Variants in PRKN observed in about 807,000 individuals in gnomAD.
PRKN encodes parkin RBR E3 ubiquitin protein ligase.
In PRKN, 56 loss-of-function variants were observed where a neutral mutation model predicts 59.5. That is an observed-to-expected ratio of 0.94 (90% CI 0.76 to 1.18). The LOEUF (loss-of-function observed/expected upper bound fraction) is 1.18. Among genes scored for constraint, PRKN ranks in the 50% most tolerant of loss-of-function variants. The probability of loss-of-function intolerance (pLI) is 0.00; values close to 1 mark genes in which losing one functional copy is unlikely to be tolerated. For synonymous variants in PRKN, 250 were observed against 222.1 expected (o/e 1.13, Z -1.12); for missense variants, 657 against 596.4 (o/e 1.10, Z -1.06).
chr6:162,007,688 T>A (rs1444007105), intron 5 of PRKN, among the ~76,000 whole-genome samples: 4 of 152,096 alleles, frequency 2.6e-5, no homozygotes, highest in Non-Finnish European at 5.9e-5. Flanking sequence ...CATTATTACC[T>A]TAATGATATG....
At position 162,367,624 on chromosome 6, in the gene PRKN, ACAGCTCTTTT is replaced by A. The variant is rs1785520325; in HGVS notation, c.171+75676_171+75685del. On this transcript the variant is annotated intron_variant, in intron 2 of 11. Transcript: ENST00000366898. ...TAAGAAAAGGAGTATAAATTATTTC[ACAGCTCTTTT>A]CAGGCCTTTTACAGGCAGGTTGTGT... Among the ~76,000 whole-genome samples, 2 of 152,134 alleles carry A rather than the reference ACAGCTCTTTT, an allele frequency of 1.3e-5. 1 individual carries two copies. The highest frequency in any genetic ancestry group is 2.9e-5 in the Non-Finnish European group (2 of 68,018).
chr6:161,892,782 G>T (rs1342120633), intron 6 of PRKN, among the ~76,000 whole-genome samples: 2 of 152,176 alleles, frequency 1.3e-5, no homozygotes, highest in African/African-American at 4.8e-5. Flanking sequence ...AAAATTAATG[G>T]TCATTTTGTG....
intron 6 of PRKN, among the ~76,000 whole-genome samples, chr6:161,931,422 T>C (rs922717121): frequency 2.0e-5 from 3 of 152,038 alleles, no homozygotes; most frequent in Non-Finnish European, 4.4e-5. Flanking sequence ...TCCAGTCCAG[T>C]AGACATGGCA....
chr6:162,225,422 T>C (rs1583225759), intron 3 of PRKN, among the ~76,000 whole-genome samples: 1 of 152,216 alleles, frequency 6.6e-6, no homozygotes, highest in African/African-American at 2.4e-5. Context: ...AATTCAGGCT[T>C]ACATGTTATT....
intron 9 of PRKN, among the ~76,000 whole-genome samples, chr6:161,541,553 G>A (rs1336161462): frequency 6.6e-6 from 1 of 152,206 alleles, no homozygotes; most frequent in Non-Finnish European, 1.5e-5. Context: ...AGGTGCGGTG[G>A]CTCACGCCTA....
At chr6:161,859,751 T>A (rs1793814986) in intron 6 of PRKN, among the ~76,000 whole-genome samples, 3 of 152,200 alleles carry the variant, frequency 2.0e-5, no homozygotes. Context: ...TTCCGTCTTC[T>A]TGCATGTCTA....
At position 161,444,168 on chromosome 6, in the gene PRKN, C is replaced by G. The variant is rs1006439125; in HGVS notation, c.1084-57291G>C. Among the ~76,000 whole-genome samples the G allele has an allele frequency of 1.3e-5, 2 of 152,186 alleles. No individual in the cohort carries two copies. Among genetic ancestry groups the G allele is most frequent in the Non-Finnish European group, 2.9e-5 (2 of 68,034 alleles). The stretch of plus-strand genomic sequence containing the variant: ...GCCCAGCGGGTGGGAGCTGCAGATA[C>G]CACTTCTCCAGGACCCATCCCAGGG... On this transcript the variant is annotated intron_variant, in intron 9 of 11. Transcript: ENST00000366898. This position sits in a 1 kb window ranked among gnomAD's most constrained non-coding sequence, Gnocchi z 5.6.
At chr6:161,691,875 A>C (rs2128175901) in intron 7 of PRKN, among the ~76,000 whole-genome samples, 1 of 151,292 alleles carries the variant, frequency 6.6e-6, no homozygotes, top group East Asian at 1.9e-4. Flanking sequence ...GGCGTCTGGA[A>C]TACTGATTTT....
chr6:162,675,603 TAAAAC>T (rs1335732714), intron 1 of PRKN, among the ~76,000 whole-genome samples: 1 of 152,140 alleles, frequency 6.6e-6, no homozygotes, highest in African/African-American at 2.4e-5. Context: ...ATGCAGGACT[TAAAAC>T]AACTACAACC....
At chr6:162,448,114 A>G (rs1274606549) in intron 1 of PRKN, among the ~76,000 whole-genome samples, 2 of 152,130 alleles carry the variant, frequency 1.3e-5, no homozygotes, top group Non-Finnish European at 2.9e-5. Flanking sequence ...ATTCTTCCTC[A>G]TGAGAGGGTT....
intron 6 of PRKN, among the ~76,000 whole-genome samples, chr6:161,830,376 C>T (rs7764896): frequency 0.12 from 18,884 of 151,888 alleles, 1,471 homozygotes; most frequent in African/African-American, 0.2. Flanking sequence ...CTCAGCCTCC[C>T]GAGGAGCTGG....
intron 7 of PRKN, among the ~76,000 whole-genome samples, chr6:161,586,842 A>T (rs1045376621): frequency 6.6e-6 from 1 of 152,234 alleles, no homozygotes; most frequent in Non-Finnish European, 1.5e-5. Flanking sequence ...CAAAGTGCCA[A>T]GGGACTGATT....
intron 9 of PRKN, among the ~76,000 whole-genome samples, chr6:161,420,753 C>A (rs1788067591): frequency 6.6e-6 from 1 of 152,108 alleles, no homozygotes; most frequent in African/African-American, 2.4e-5. Flanking sequence ...CCAGTGATTT[C>A]CCCCCCACAT....
chr6:162,530,338 C>T (rs1038972150), intron 1 of PRKN, among the ~76,000 whole-genome samples: 7 of 151,846 alleles, frequency 4.6e-5, no homozygotes, highest in African/African-American at 1.7e-4. Context: ...TTTGAAGACT[C>T]ACTTAGGGGC....
chr6:161,534,906 G>A (rs1303422073), intron 9 of PRKN, among the ~76,000 whole-genome samples: 3 of 152,158 alleles, frequency 2.0e-5, no homozygotes, highest in Non-Finnish European at 4.4e-5. Flanking sequence ...TAGTGATTGC[G>A]GTAGAAGAAT....
At chr6:161,802,237 G>C (rs768696562) in intron 6 of PRKN, among the ~76,000 whole-genome samples, 11 of 151,938 alleles carry the variant, frequency 7.2e-5, no homozygotes, top group Non-Finnish European at 1.6e-4. Context: ...GCTCCCCCTG[G>C]TCATTCAGAA....
chr6:161,496,266 C>G (rs1041749535), intron 9 of PRKN, among the ~76,000 whole-genome samples: 1 of 152,106 alleles, frequency 6.6e-6, no homozygotes, highest in African/African-American at 2.4e-5. Flanking sequence ...GAGTTGTATC[C>G]CTTACAAAGA....
chr6:161,647,071 A>C (rs1281046989), intron 7 of PRKN, among the ~76,000 whole-genome samples: 1 of 152,234 alleles, frequency 6.6e-6, no homozygotes, highest in Non-Finnish European at 1.5e-5. Flanking sequence ...AATTGTGCTC[A>C]TAATGTAATA....
At chr6:161,844,211 A>G (rs999858903) in intron 6 of PRKN, among the ~76,000 whole-genome samples, 1 of 152,220 alleles carries the variant, frequency 6.6e-6, no homozygotes, top group Non-Finnish European at 1.5e-5. Flanking sequence ...AGACTAAAAG[A>G]TCTTTCAAAA....
Sources: allele counts gnomAD v4.1 joint callset (sites outside exome capture counted in the v4.1 genomes callset), GRCh38; gene constraint gnomAD v4.1.1; non-coding constraint Gnocchi (gnomAD v3.1); transcripts MANE v1.5; gene names NCBI Gene and HGNC (gene_info 2026-07-23, HGNC 2026-07-21).